The following ZSWIM6 variants were observed in gnomAD, a reference collection of about 807,000 sequenced individuals.
The protein encoded by ZSWIM6 is zinc finger SWIM domain-containing protein 6.
In ZSWIM6, 9 loss-of-function variants were observed where a neutral mutation model predicts 113.2. The observed-to-expected ratio is 0.08, with a 90% CI of 0.05 to 0.14. ZSWIM6 has a LOEUF of 0.14. Ranked by LOEUF, ZSWIM6 falls within the 10% of genes least tolerant of loss-of-function variation. The probability of loss-of-function intolerance (pLI) is 1.00; values close to 1 mark genes in which losing one functional copy is unlikely to be tolerated. For missense variants in ZSWIM6, 1,162 were observed against 1,552.2 expected (o/e 0.75, Z 4.22); for synonymous variants, 611 against 606.5 (o/e 1.01, Z -0.11).
At chr5:61,510,986 G>C (rs553552310) in intron 4 of ZSWIM6, among the ~76,000 whole-genome samples, 3 of 152,062 alleles carry the variant, frequency 2.0e-5, no homozygotes, top group Non-Finnish European at 1.5e-5. Context: ...AAATGTTTCA[G>C]GCGTATTGAA....
At chr5:61,446,298 T>G (rs1746952772) in intron 1 of ZSWIM6, among the ~76,000 whole-genome samples, 1 of 152,168 alleles carries the variant, frequency 6.6e-6, no homozygotes, top group African/African-American at 2.4e-5. Context: ...ACCTTCATTT[T>G]TAAAAACAGT....
chr5:61,504,206 C>T (rs780620729), intron 4 of ZSWIM6, among the ~76,000 whole-genome samples: 4 of 152,170 alleles, frequency 2.6e-5, no homozygotes, highest in Non-Finnish European at 5.9e-5. Context: ...GCCTTCTCCA[C>T]CCATGTGCAC....
chr5:61,455,529 C>T lies in ZSWIM6; in HGVS notation c.677-17152C>T, dbSNP rs1425671555. Among the ~76,000 whole-genome samples, 4 of 152,170 alleles carry T rather than the reference C, an allele frequency of 2.6e-5. No individual in the cohort carries two copies. The East Asian group carries it at 7.7e-4, about 29-fold the overall frequency. Reference sequence around the variant, plus strand: ...TTCCAAACTCCTGGAAGATTTAAACCAGCATTTTAGAAGAACCAGAAGGAT... The same window carrying T: ...TTCCAAACTCCTGGAAGATTTAAACTAGCATTTTAGAAGAACCAGAAGGAT... On this transcript the variant is annotated intron_variant, in intron 1 of 13. Transcript: ENST00000252744.
intron 4 of ZSWIM6, among the ~76,000 whole-genome samples, chr5:61,510,227 G>A (rs1458367048): frequency 6.6e-6 from 1 of 151,834 alleles, no homozygotes; most frequent in Non-Finnish European, 1.5e-5. Context: ...GGGCAAAATG[G>A]TGGTGATAAT....
At chr5:61,516,202 C>T (rs578244075) in intron 4 of ZSWIM6, among the ~76,000 whole-genome samples, 20 of 151,286 alleles carry the variant, frequency 1.3e-4, no homozygotes, top group African/African-American at 4.8e-4. Flanking sequence ...ACCATTTAAT[C>T]ATTTGTTTTT....
At chr5:61,406,854 A>G (rs1166064363) in intron 1 of ZSWIM6, among the ~76,000 whole-genome samples, 1 of 152,082 alleles carries the variant, frequency 6.6e-6, no homozygotes, top group African/African-American at 2.4e-5. Flanking sequence ...CTGGGATTAC[A>G]GGTGCCTGCC....
At chr5:61,517,935 T>TCCTTCCC (rs1748999839) in intron 4 of ZSWIM6, among the ~76,000 whole-genome samples, 1 of 76,584 alleles carries the variant, frequency 1.3e-5, no homozygotes, top group African/African-American at 5.4e-5. Flanking sequence ...CCAAATGCTA[T>TCCTTCCC]CCCTCCCCCC....
intron 1 of ZSWIM6, among the ~76,000 whole-genome samples, chr5:61,334,304 G>T (rs1456275889): frequency 2.0e-5 from 3 of 152,148 alleles, no homozygotes; most frequent in Non-Finnish European, 2.9e-5. Flanking sequence ...AAAGAACAAT[G>T]CTGTAGTGAA....
At chr5:61,474,165 G>A (rs199742017) in intron 2 of ZSWIM6, among the ~76,000 whole-genome samples, 1 of 152,064 alleles carries the variant, frequency 6.6e-6, no homozygotes, top group Non-Finnish European at 1.5e-5. Flanking sequence ...TTGGCGGTTT[G>A]TGTTTTGTTG....
chr5:61,423,720 A>G (rs1163116636), intron 1 of ZSWIM6, among the ~76,000 whole-genome samples: 1 of 152,182 alleles, frequency 6.6e-6, no homozygotes, highest in Non-Finnish European at 1.5e-5. Context: ...GCACTGCACA[A>G]ATTGTACAAG....
chr5:61,511,892 G>A (rs912121753), intron 4 of ZSWIM6, among the ~76,000 whole-genome samples: 1 of 152,040 alleles, frequency 6.6e-6, no homozygotes, highest in African/African-American at 2.4e-5. Context: ...GATGCCTCTA[G>A]CCTATAGTGG....
intron 1 of ZSWIM6, among the ~76,000 whole-genome samples, chr5:61,449,090 T>C (rs1252229186): frequency 1.3e-5 from 2 of 152,190 alleles, no homozygotes; most frequent in Admixed American, 1.3e-4. Flanking sequence ...TGTTGACTCC[T>C]GGTAAGTGTT....
At chr5:61,520,158 G>T (rs1395721922) in intron 4 of ZSWIM6, among the ~76,000 whole-genome samples, 1 of 152,178 alleles carries the variant, frequency 6.6e-6, no homozygotes, top group Non-Finnish European at 1.5e-5. Context: ...TAATGAGGAA[G>T]AATGTACGCC....
chr5:61,410,597 C>T (rs1207911851), intron 1 of ZSWIM6, among the ~76,000 whole-genome samples: 1 of 152,106 alleles, frequency 6.6e-6, no homozygotes, highest in Non-Finnish European at 1.5e-5. Flanking sequence ...CATGAGCCAC[C>T]GTGCCCGGCG....
intron 2 of ZSWIM6, among the ~76,000 whole-genome samples, chr5:61,488,605 A>G (rs936726302): frequency 1.3e-5 from 2 of 151,958 alleles, no homozygotes; most frequent in Non-Finnish European, 2.9e-5. Context: ...ATAGTTGTTC[A>G]TAATAGGTCT....
At chr5:61,368,370 T>A (rs1175254658) in intron 1 of ZSWIM6, among the ~76,000 whole-genome samples, 1 of 152,226 alleles carries the variant, frequency 6.6e-6, no homozygotes, top group Non-Finnish European at 1.5e-5. Flanking sequence ...AGTATTCATA[T>A]TAATTGGTGT....
intron 1 of ZSWIM6, among the ~76,000 whole-genome samples, chr5:61,445,908 G>A (rs1746943306): frequency 6.6e-6 from 1 of 152,168 alleles, no homozygotes; most frequent in South Asian, 2.1e-4. Flanking sequence ...GCAAATTAAT[G>A]TATTTAAATC....
intron 1 of ZSWIM6, among the ~76,000 whole-genome samples, chr5:61,430,972 T>C (rs1352711026): frequency 6.6e-6 from 1 of 152,156 alleles, no homozygotes; most frequent in Non-Finnish European, 1.5e-5. Context: ...ATCCAGACAG[T>C]ATTAAATAGG....
chr5:61,363,566 T>A (rs547724330), intron 1 of ZSWIM6, among the ~76,000 whole-genome samples: 1 of 152,322 alleles, frequency 6.6e-6, no homozygotes, highest in African/African-American at 2.4e-5. Context: ...AAATAGCTGG[T>A]ATCATATTAC....
Sources: allele counts gnomAD v4.1 joint callset (sites outside exome capture counted in the v4.1 genomes callset), GRCh38; gene constraint gnomAD v4.1.1; transcripts MANE v1.5; gene names NCBI Gene and HGNC (gene_info 2026-07-23, HGNC 2026-07-21).